The following PRICKLE2 variants were observed in gnomAD, a reference collection of about 807,000 sequenced individuals.
PRICKLE2 encodes the protein prickle planar cell polarity protein 2.
Under a neutral mutation model 81.4 loss-of-function variants are expected in PRICKLE2, and 21 were observed. The ratio of observed to expected loss-of-function variants is 0.26; its 90% confidence interval spans 0.18 to 0.37. PRICKLE2 has a LOEUF of 0.37. PRICKLE2 is among the 10% of genes least tolerant of loss of function. The probability of loss-of-function intolerance (pLI) is 1.00; values close to 1 mark genes in which losing one functional copy is unlikely to be tolerated. For missense variants in PRICKLE2, 940 were observed against 1,109.0 expected (o/e 0.85, Z 2.16); for synonymous variants, 456 against 421.5 (o/e 1.08, Z -1.00).
chr3:64,128,221 C>T (rs996290522), intron 7 of PRICKLE2, among the ~76,000 whole-genome samples: 2 of 152,122 alleles, frequency 1.3e-5, no homozygotes, highest in Non-Finnish European at 2.9e-5. Context: ...AGGCACCCAT[C>T]GCTTTCTCCA....
intron 2 of PRICKLE2, among the ~76,000 whole-genome samples, chr3:64,195,367 A>G (rs1053059571): frequency 6.6e-6 from 1 of 152,226 alleles, no homozygotes; most frequent in African/African-American, 2.4e-5. Flanking sequence ...TTTACATTAT[A>G]TTCAATTGAA....
chr3:64,112,005 C>A (rs1167144877), intron 7 of PRICKLE2, among the ~76,000 whole-genome samples: 3 of 152,184 alleles, frequency 2.0e-5, no homozygotes, highest in African/African-American at 7.2e-5. Context: ...CCTATCCCAA[C>A]ACACACACAC....
intron 3 of PRICKLE2, among the ~76,000 whole-genome samples, chr3:64,162,071 C>T (rs2077744233): frequency 6.6e-6 from 1 of 152,094 alleles, no homozygotes; most frequent in Admixed American, 6.6e-5. Context: ...CAAATGATCC[C>T]CTTTCATTCT....
chr3:64,219,651 A>C (rs2078921934), intron 1 of PRICKLE2, among the ~76,000 whole-genome samples: 1 of 152,240 alleles, frequency 6.6e-6, no homozygotes, highest in African/African-American at 2.4e-5. Flanking sequence ...CCAAAGATCA[A>C]CCAACGAGAT....
At chr3:64,226,971 C>G (rs572614329), upstream of PRICKLE2, among the ~76,000 whole-genome samples, 3 of 152,248 alleles carry the variant, frequency 2.0e-5, no homozygotes, top group Admixed American at 2.0e-4. Flanking sequence ...CACACTCCCC[C>G]GCCTGGGGAA....
intron 2 of PRICKLE2, among the ~76,000 whole-genome samples, chr3:64,164,130 TG>T (rs1177708330): frequency 4.6e-5 from 7 of 151,842 alleles, no homozygotes; most frequent in African/African-American, 1.7e-4. Context: ...CCCAGCACCT[TG>T]GGGGGCTGAG....
chr3:64,167,882 C>A (rs896677441), intron 2 of PRICKLE2, among the ~76,000 whole-genome samples: 18 of 152,300 alleles, frequency 1.2e-4, no homozygotes, highest in African/African-American at 4.1e-4. Flanking sequence ...CTCTTCAGGT[C>A]CTGCTGTTAG....
At chr3:64,145,750 G>C (rs1468836314) in intron 7 of PRICKLE2, 1 of 151,964 alleles carries the variant, frequency 6.6e-6, no homozygotes, top group Non-Finnish European at 1.5e-5. Flanking sequence ...TGGTGCCCCA[G>C]GCAGCACCAC....
At chr3:64,216,834 C>A (rs892092318) in intron 1 of PRICKLE2, among the ~76,000 whole-genome samples, 1 of 152,200 alleles carries the variant, frequency 6.6e-6, no homozygotes, top group Non-Finnish European at 1.5e-5. Context: ...ACCCTCCTTC[C>A]TAATGAGGCA....
chr3:64,127,673 C>G (rs1051260817), intron 7 of PRICKLE2, among the ~76,000 whole-genome samples: 1 of 151,938 alleles, frequency 6.6e-6, no homozygotes, highest in Non-Finnish European at 1.5e-5. Flanking sequence ...AGACTGTACC[C>G]AGCGTCCATC....
At chr3:64,141,284 T>G (rs1041349737) in intron 7 of PRICKLE2, among the ~76,000 whole-genome samples, 4 of 152,232 alleles carry the variant, frequency 2.6e-5, no homozygotes, top group Non-Finnish European at 4.4e-5. Flanking sequence ...TCTGCTTTTC[T>G]ACTTCCAAGC....
chr3:64,176,326 T>C (rs2078021804), intron 2 of PRICKLE2, among the ~76,000 whole-genome samples: 1 of 152,250 alleles, frequency 6.6e-6, no homozygotes, highest in Non-Finnish European at 1.5e-5. Context: ...TATCTCTTTC[T>C]TATGTGGAGT....
chr3:64,138,236 A>C (rs1575580034), intron 7 of PRICKLE2, among the ~76,000 whole-genome samples: 1 of 152,012 alleles, frequency 6.6e-6, no homozygotes, highest in Middle Eastern at 3.4e-3. Context: ...TCAGTCCTGA[A>C]GTTTTGATGG....
At chr3:64,197,651 GAAC>G (rs1249970904) in intron 2 of PRICKLE2, among the ~76,000 whole-genome samples, 1 of 152,104 alleles carries the variant, frequency 6.6e-6, no homozygotes, top group Non-Finnish European at 1.5e-5. Context: ...TAAATGATGA[GAAC>G]ACATGGACAC....
At chr3:64,227,894 C>T (rs1274862296), upstream of PRICKLE2, among the ~76,000 whole-genome samples, 4 of 152,090 alleles carry the variant, frequency 2.6e-5, no homozygotes, top group Non-Finnish European at 4.4e-5. Flanking sequence ...GGGGAGAAAG[C>T]GGTAAAGGGA....
At chr3:64,223,574 G>C (rs746221749) in intron 1 of PRICKLE2, among the ~76,000 whole-genome samples, 9 of 152,172 alleles carry the variant, frequency 5.9e-5, no homozygotes, top group Non-Finnish European at 1.3e-4. Context: ...TGGCTGCCCC[G>C]TGAATCTTTA....
intron 7 of PRICKLE2, among the ~76,000 whole-genome samples, chr3:64,135,459 T>C (rs2077263110): frequency 6.6e-6 from 1 of 152,018 alleles, no homozygotes; most frequent in South Asian, 2.1e-4. Context: ...ATGGGGGAAT[T>C]CTGGATGACA....
rs1350938285 is a variant in PRICKLE2, at chr3:64,093,862, C to A, written c.*5189G>T. ...AGTGAGGGAGGGCTGAGAAGAATGG[C>A]AACATTTCTTTTATTCAAATTTTAT... On this transcript the variant is annotated 3_prime_UTR_variant, in exon 8 of 8. Transcript: ENST00000638394. The A allele has an allele frequency of 1.3e-5, 2 of 152,290 alleles. No homozygotes were observed. The highest frequency in any genetic ancestry group is 4.8e-5 in the African/African-American group (2 of 41,436). 9.4% of individuals were successfully genotyped at this position (152,290 alleles called of 1,614,324 possible). A position where few individuals can be genotyped will look rare whatever the true frequency, so the allele number is the denominator to read the frequency against.
At chr3:64,241,919 G>A (rs985494726) in intron 2 of PRICKLE2, among the ~76,000 whole-genome samples, 3 of 152,130 alleles carry the variant, frequency 2.0e-5, no homozygotes, top group African/African-American at 4.8e-5. Flanking sequence ...AACATGTCCT[G>A]AAATTAAAAT....
Sources: gnomAD v4.1 joint callset for allele counts (sites outside exome capture counted in the v4.1 genomes callset) on GRCh38, gnomAD v4.1.1 for gene constraint, MANE v1.5 for transcripts, NCBI Gene and HGNC (gene_info 2026-07-23, HGNC 2026-07-21) for gene names.